Variants in SEC11A observed in about 807,000 individuals in gnomAD.
SEC11A encodes the protein SEC11 homolog A, signal peptidase complex subunit.
Under a neutral mutation model 25.6 loss-of-function variants are expected in SEC11A, and 14 were observed. That is an observed-to-expected ratio of 0.55 (90% CI 0.36 to 0.85). The LOEUF (loss-of-function observed/expected upper bound fraction) is 0.85, where lower values mean the gene tolerates loss of function less well. SEC11A is among the 40% of genes least tolerant of loss of function. The pLI, the probability that SEC11A is intolerant of heterozygous loss-of-function variation, is 0.01. For missense variants in SEC11A, 153 were observed against 222.9 expected (o/e 0.69, Z 2.00); for synonymous variants, 83 against 76.4 (o/e 1.09, Z -0.45).
intron 4 of SEC11A, chr15:84,679,408 T>C (rs1897226613): frequency 5.9e-6 from 2 of 341,514 alleles, no homozygotes; most frequent in African/African-American, 2.1e-5. Flanking sequence ...ATGATACCTG[T>C]TCTGATCTGA....
chr15:84,680,635 GTATGATCAAA>G, intron 4 of SEC11A, 68 bp downstream of exon 4: 1 of 1,384,574 alleles, frequency 7.2e-7, no homozygotes. Flanking sequence ...ATTCAACTGT[GTATGATCAAA>G]TAATATGATT....
chr15:84,700,056 C>A (rs968898590), intron 1 of SEC11A, among the ~76,000 whole-genome samples: 1 of 151,926 alleles, frequency 6.6e-6, no homozygotes. Flanking sequence ...ATCCATCTAA[C>A]AAAGCTTCAC....
At chr15:84,696,490 A>C (rs913136611) in intron 1 of SEC11A, among the ~76,000 whole-genome samples, 1 of 152,188 alleles carries the variant, frequency 6.6e-6, no homozygotes, top group East Asian at 1.9e-4. Flanking sequence ...GGTTAGGACA[A>C]TAGATTCTGG....
intron 1 of SEC11A, among the ~76,000 whole-genome samples, chr15:84,693,263 G>A (rs1037000344): frequency 6.6e-6 from 1 of 151,796 alleles, no homozygotes. Flanking sequence ...ACAACCAAAT[G>A]TAACGCACAA....
chr15:84,710,663 T>C (rs1898233730), intron 1 of SEC11A, among the ~76,000 whole-genome samples: 1 of 152,116 alleles, frequency 6.6e-6, no homozygotes, highest in African/African-American at 2.4e-5. Flanking sequence ...TGTTAAAATT[T>C]GCTACACTTT....
chr15:84,670,193 T>C (rs762669349), intron 5 of SEC11A, 124 bp from the exon 6 acceptor site: 10 of 822,626 alleles, frequency 1.2e-5, no homozygotes, highest in Non-Finnish European at 1.7e-5. Context: ...CTTTCATCTT[T>C]TAACTATAAT....
At chr15:84,715,888 C>A (rs1898449593) in intron 1 of SEC11A, 137 bp downstream of exon 1, 3 of 799,084 alleles carry the variant, frequency 3.8e-6, no homozygotes, top group Non-Finnish European at 6.2e-6. Context: ...TGGCCACAGT[C>A]TCCAAAGAAA....
At chr15:84,707,181 C>A in intron 1 of SEC11A, among the ~76,000 whole-genome samples, 1 of 91,662 alleles carries the variant, frequency 1.1e-5, no homozygotes, top group Non-Finnish European at 2.2e-5. Flanking sequence ...TTGTGTGAGA[C>A]TTTTTTTTTT....
intron 1 of SEC11A, 109 bp from the exon 2 acceptor site, chr15:84,691,753 C>G (rs1897614297): frequency 1.6e-6 from 1 of 624,514 alleles, no homozygotes; most frequent in Non-Finnish European, 2.8e-6. Context: ...AGGACAACTA[C>G]AGTTCTGAGA....
intron 5 of SEC11A, 190 bp from the exon 6 acceptor site, chr15:84,670,259 T>A: frequency 8.6e-5 from 8 of 93,416 alleles, no homozygotes; most frequent in East Asian, 2.0e-4. Context: ...AATAATTTTC[T>A]TTTTTTTTTT....
chr15:84,690,112 G>A (rs144088977), intron 2 of SEC11A, among the ~76,000 whole-genome samples: 1 of 152,240 alleles, frequency 6.6e-6, no homozygotes, highest in African/African-American at 2.4e-5. Flanking sequence ...CTACGGTTTG[G>A]CTGTGTCCCC....
At chr15:84,707,922 T>C (rs905386273) in intron 1 of SEC11A, among the ~76,000 whole-genome samples, 11 of 152,040 alleles carry the variant, frequency 7.2e-5, no homozygotes, top group African/African-American at 2.7e-4. Flanking sequence ...CAAAAGAATA[T>C]ACCAGCCGGG....
intron 2 of SEC11A, among the ~76,000 whole-genome samples, chr15:84,688,713 A>T (rs1897502530): frequency 2.0e-5 from 3 of 152,340 alleles, no homozygotes; most frequent in South Asian, 4.1e-4. Context: ...ATTTTGCTGC[A>T]CATTGGAATG....
At chr15:84,694,352 CAAA>C (rs888825845) in intron 1 of SEC11A, among the ~76,000 whole-genome samples, 1 of 139,030 alleles carries the variant, frequency 7.2e-6, no homozygotes, top group Non-Finnish European at 1.6e-5. Context: ...AAGACTCTCT[CAAA>C]AAAAAAAAGG....
At chr15:84,674,379 G>A (rs1353169386) in intron 4 of SEC11A, among the ~76,000 whole-genome samples, 1 of 151,982 alleles carries the variant, frequency 6.6e-6, no homozygotes, top group Non-Finnish European at 1.5e-5. Flanking sequence ...AGCTATAAAA[G>A]CATCTGTGAT....
intron 3 of SEC11A, among the ~76,000 whole-genome samples, chr15:84,686,288 G>A (rs995441665): frequency 1.3e-5 from 2 of 152,016 alleles, no homozygotes; most frequent in African/African-American, 4.8e-5. Context: ...ATTTCAAAAA[G>A]CAATGGTTGA....
At chr15:84,707,269 T>C (rs1356668673) in intron 1 of SEC11A, among the ~76,000 whole-genome samples, 1 of 143,714 alleles carries the variant, frequency 7.0e-6, no homozygotes, top group African/African-American at 2.6e-5. Context: ...CACTGTGACC[T>C]CTGCCTCCCA....
intron 1 of SEC11A, among the ~76,000 whole-genome samples, chr15:84,709,143 G>A (rs1481544284): frequency 2.0e-5 from 3 of 151,974 alleles, no homozygotes; most frequent in Non-Finnish European, 2.9e-5. Context: ...TGACATACAT[G>A]TAACATAAAA....
intron 1 of SEC11A, among the ~76,000 whole-genome samples, chr15:84,697,745 T>C (rs1897809980): frequency 6.6e-6 from 1 of 152,206 alleles, no homozygotes; most frequent in African/African-American, 2.4e-5. Flanking sequence ...GGAAAAAAAG[T>C]GTTGCCTCTT....
Sources: allele counts gnomAD v4.1 joint callset (sites outside exome capture counted in the v4.1 genomes callset), GRCh38; gene constraint gnomAD v4.1.1; transcripts MANE v1.5; gene names NCBI Gene and HGNC (gene_info 2026-07-23, HGNC 2026-07-21).